EPB41L5: variants seen among roughly 807,000 people sequenced by gnomAD.
EPB41L5 encodes the protein erythrocyte membrane protein band 4.1 like 5, also known as band 4.1-like protein 5.
A neutral mutation model predicts 106.6 loss-of-function variants in EPB41L5; 55 were observed. The ratio of observed to expected loss-of-function variants is 0.52; its 90% confidence interval spans 0.42 to 0.65. The LOEUF (loss-of-function observed/expected upper bound fraction) is 0.65. Ranked by LOEUF, EPB41L5 falls within the 30% of genes least tolerant of loss-of-function variation. The pLI is 0.00. For missense variants in EPB41L5, 871 were observed against 882.1 expected (o/e 0.99, Z 0.16); for synonymous variants, 297 against 306.7 (o/e 0.97, Z 0.33).
intron 16 of EPB41L5, chr2:120,106,965 T>A: frequency 1.1e-6 from 1 of 878,146 alleles, no homozygotes; most frequent in Non-Finnish European, 1.4e-6. Context: ...ATACAAACAC[T>A]AATATTGTAA....
intron 24 of EPB41L5, among the ~76,000 whole-genome samples, chr2:120,173,170 A>T (rs186110454): frequency 3.1e-4 from 48 of 152,384 alleles, no homozygotes; most frequent in Admixed American, 5.9e-4. Flanking sequence ...ATATACTGAT[A>T]GTTGTGAAAA....
chr2:120,048,397 A>AT (rs1463410953), intron 3 of EPB41L5, among the ~76,000 whole-genome samples: 1 of 152,054 alleles, frequency 6.6e-6, no homozygotes, highest in Admixed American at 6.5e-5. Context: ...GGGAGGGTGT[A>AT]TGTGTCCAGG....
chr2:120,073,289 T>C (rs1682006464), intron 4 of EPB41L5, 69 bp downstream of exon 4: 1 of 1,284,238 alleles, frequency 7.8e-7, no homozygotes, highest in South Asian at 1.3e-5. Context: ...TGATTTCTAA[T>C]AGGATGTAAG....
chr2:120,082,368 G>A (rs1213242063), intron 10 of EPB41L5, among the ~76,000 whole-genome samples: 1 of 151,140 alleles, frequency 6.6e-6, no homozygotes, highest in African/African-American at 2.4e-5. Flanking sequence ...TGAGATAATC[G>A]TGGTTTTTGT....
At chr2:120,167,618 C>G in intron 23 of EPB41L5, 111 bp downstream of exon 23, 1 of 1,217,448 alleles carries the variant, frequency 8.2e-7, no homozygotes, top group Non-Finnish European at 1.2e-6. Flanking sequence ...GTTATCAAAG[C>G]CTTGTTAACT....
chr2:120,020,540 A>G (rs1198811608), intron 2 of EPB41L5, among the ~76,000 whole-genome samples: 1 of 152,160 alleles, frequency 6.6e-6, no homozygotes, highest in South Asian at 2.1e-4. Flanking sequence ...ACAACTTGAA[A>G]GCATCTAAAT....
In EPB41L5 at chr2:120,100,290, A is replaced by G; in HGVS notation, c.1221+4A>G. The G allele has an allele frequency of 6.2e-7, 1 of 1,612,552 alleles. No individual in the cohort carries two copies. Among genetic ancestry groups the G allele is most frequent in the Non-Finnish European group, 8.5e-7 (1 of 1,178,774 alleles). On this transcript the variant is annotated splice_donor_region_variant and intron_variant, in intron 15 of 24. Coordinates refer to ENST00000263713, the MANE Select transcript of EPB41L5 (RefSeq NM_020909.4). ...CCAAAGTAATGGCTCCCAACAGGTA[A>G]GACAATACTAAGCTTCTAAAACACT...
At position 120,176,793 on chromosome 2, in the gene EPB41L5, G is replaced by A. The variant is rs1443819994; in HGVS notation, c.*1886G>A. On this transcript the variant is annotated 3_prime_UTR_variant, in exon 25 of 25. Coordinates refer to ENST00000263713, the MANE Select transcript of EPB41L5 (RefSeq NM_020909.4). The stretch of plus-strand genomic sequence containing the variant: ...GTGCTGCTCACCACAGAGCAGCTGA[G>A]GCATTATGCCTTGGAAGACCTAAAT... 1.3e-5 allele frequency: 2 copies of A among 152,256 alleles called. No individual in the cohort carries two copies. The highest frequency in any genetic ancestry group is 3.9e-4 in the East Asian group (2 of 5,168). 9.4% of individuals were successfully genotyped at this position (152,256 alleles called of 1,614,324 possible).
intron 1 of EPB41L5, among the ~76,000 whole-genome samples, chr2:120,014,831 A>G (rs775775262): frequency 5.9e-5 from 9 of 152,106 alleles, no homozygotes; most frequent in Non-Finnish European, 1.3e-4. Flanking sequence ...TGCATCTAGG[A>G]CCAGGGCCAT....
At chr2:120,024,749 A>T (rs10184349) in intron 2 of EPB41L5, among the ~76,000 whole-genome samples, 1 of 152,182 alleles carries the variant, frequency 6.6e-6, no homozygotes, top group African/African-American at 2.4e-5. Flanking sequence ...GTGAGCCACC[A>T]CGCCCGGCCA....
At chr2:120,079,387 C>G (rs1682481203) in intron 10 of EPB41L5, among the ~76,000 whole-genome samples, 1 of 152,192 alleles carries the variant, frequency 6.6e-6, no homozygotes, top group Admixed American at 6.5e-5. Context: ...CCACTGCTGC[C>G]TTTCTGAATT....
chr2:120,065,216 C>A (rs1368927882), intron 3 of EPB41L5, among the ~76,000 whole-genome samples: 3 of 152,094 alleles, frequency 2.0e-5, no homozygotes, highest in Non-Finnish European at 4.4e-5. Flanking sequence ...TGGACTCAAG[C>A]AGCCCTCTCG....
chr2:120,168,660 T>C (rs918422686), intron 24 of EPB41L5, among the ~76,000 whole-genome samples: 1 of 152,248 alleles, frequency 6.6e-6, no homozygotes, highest in African/African-American at 2.4e-5. Flanking sequence ...TCGGTTGAAA[T>C]ACATGCTTTC....
At chr2:120,116,263 T>G (rs1015987429) in intron 16 of EPB41L5, among the ~76,000 whole-genome samples, 16 of 152,226 alleles carry the variant, frequency 1.1e-4, no homozygotes, top group African/African-American at 3.9e-4. Flanking sequence ...TCTCTGTGCA[T>G]TGTATGCCCA....
intron 3 of EPB41L5, among the ~76,000 whole-genome samples, chr2:120,060,326 C>A (rs1680947647): frequency 1.3e-5 from 2 of 152,170 alleles, no homozygotes; most frequent in South Asian, 4.1e-4. Context: ...TTGTTCATAG[C>A]ATCTTTATTT....
intron 20 of EPB41L5, among the ~76,000 whole-genome samples, chr2:120,148,523 G>C (rs1309122208): frequency 6.6e-6 from 1 of 151,896 alleles, no homozygotes; most frequent in Non-Finnish European, 1.5e-5. Context: ...TCCATATTCT[G>C]CTTCTTGCCC....
intron 16 of EPB41L5, among the ~76,000 whole-genome samples, chr2:120,102,922 A>G (rs1684234462): frequency 6.6e-6 from 1 of 152,210 alleles, no homozygotes. Context: ...GGGAGAACAT[A>G]AACCTAATTT....
chr2:120,118,211 T>G (rs567331674), intron 16 of EPB41L5, among the ~76,000 whole-genome samples: 1 of 152,332 alleles, frequency 6.6e-6, no homozygotes, highest in African/African-American at 2.4e-5. Context: ...CTAATTTTGT[T>G]ATTTTCCAGA....
intron 15 of EPB41L5, 132 bp downstream of exon 15, chr2:120,100,418 T>A: frequency 2.3e-6 from 2 of 879,714 alleles, no homozygotes; most frequent in East Asian, 2.6e-5. Context: ...TCCTTTTCCC[T>A]TAAGTGGTTC....
Sources: gnomAD v4.1 joint callset for allele counts (sites outside exome capture counted in the v4.1 genomes callset) on GRCh38, gnomAD v4.1.1 for gene constraint, MANE v1.5 for transcripts, NCBI Gene and HGNC (gene_info 2026-07-23, HGNC 2026-07-21) for gene names.